The following STAC variants were observed in gnomAD, a reference collection of about 807,000 sequenced individuals.
The protein encoded by STAC is SH3 and cysteine-rich domain-containing protein.
Under a neutral mutation model 48.8 loss-of-function variants are expected in STAC, and 43 were observed. The observed-to-expected ratio is 0.88, with a 90% CI of 0.69 to 1.14. STAC has a LOEUF of 1.14. STAC is among the 50% of genes most tolerant of loss of function. STAC has a pLI of 0.00. For missense variants in STAC, 497 were observed against 504.0 expected (o/e 0.99, Z 0.13); for synonymous variants, 193 against 179.5 (o/e 1.07, Z -0.60).
intron 1 of STAC, among the ~76,000 whole-genome samples, chr3:36,440,164 G>T (rs1468942805): frequency 6.6e-6 from 1 of 152,170 alleles, no homozygotes; most frequent in Non-Finnish European, 1.5e-5. Flanking sequence ...TCCCTGAAGT[G>T]GACAGCTGGC....
intron 2 of STAC, among the ~76,000 whole-genome samples, chr3:36,479,086 T>C (rs182740954): frequency 6.6e-6 from 1 of 152,208 alleles, no homozygotes; most frequent in Admixed American, 6.5e-5. Flanking sequence ...GATCTGATAT[T>C]TTCCTCTGTC....
intron 8 of STAC, among the ~76,000 whole-genome samples, chr3:36,507,165 C>T (rs1325750683): frequency 6.6e-6 from 1 of 152,142 alleles, no homozygotes; most frequent in Non-Finnish European, 1.5e-5. Flanking sequence ...TTTTCTGCAT[C>T]TATTGAGACA....
rs751057328 is a variant in STAC at position 36,443,450 on chromosome 3, C to T, written c.198C>T (p.Ser66=). 8.7e-6 allele frequency: 14 copies of T among 1,614,074 alleles called. No homozygotes were observed. The East Asian group carries it at 1.8e-4, about 21-fold the overall frequency. The change falls in exon 2 of 11, where the codon AGC becomes AGT. Residue 66 remains serine, a synonymous_variant. Transcript: ENST00000273183. This position sits in a 1 kb window ranked among gnomAD's most constrained non-coding sequence, Gnocchi z 4.2. ...SADNFFQRTN[S]EDMKLQAHMV... ...ACAACTTCTTCCAGCGAACCAACAG[C>T]GAAGACATGAAACTGCAAGCACACA... is the stretch of plus-strand genomic sequence containing the variant.
chr3:36,416,755 T>G (rs1171195086), intron 1 of STAC, among the ~76,000 whole-genome samples: 1 of 152,224 alleles, frequency 6.6e-6, no homozygotes, highest in Non-Finnish European at 1.5e-5. Flanking sequence ...TATTTTTTCC[T>G]GAGGGCTATA....
chr3:36,449,979 T>G (rs930303800), intron 2 of STAC, among the ~76,000 whole-genome samples: 1 of 152,234 alleles, frequency 6.6e-6, no homozygotes, highest in African/African-American at 2.4e-5. Flanking sequence ...ATTTGGCTCT[T>G]CCTACTGGAA....
intron 8 of STAC, among the ~76,000 whole-genome samples, chr3:36,519,924 AC>A (rs1407508268): frequency 6.6e-6 from 1 of 152,218 alleles, no homozygotes; most frequent in Non-Finnish European, 1.5e-5. Context: ...ACTATATTCC[AC>A]CAGGCAAAGT....
chr3:36,456,895 TC>T (rs1286515889), intron 2 of STAC, among the ~76,000 whole-genome samples: 2 of 152,184 alleles, frequency 1.3e-5, no homozygotes, highest in African/African-American at 4.8e-5. Flanking sequence ...TTCAAGAACT[TC>T]CTAAATTATG....
At chr3:36,384,727 A>G (rs186746547) in intron 1 of STAC, among the ~76,000 whole-genome samples, 167 of 152,254 alleles carry the variant, frequency 1.1e-3, no homozygotes, top group African/African-American at 3.8e-3. Context: ...TTAGATTTTG[A>G]AATGGTGCTA....
intron 1 of STAC, among the ~76,000 whole-genome samples, chr3:36,422,558 ATTT>A (rs1700473807): frequency 6.6e-6 from 1 of 152,122 alleles, no homozygotes; most frequent in Non-Finnish European, 1.5e-5. Context: ...CAAAATGACA[ATTT>A]TTTAATAAAT....
At chr3:36,380,952 C>T (rs548375319) in intron 1 of STAC, among the ~76,000 whole-genome samples, 198 bp downstream of exon 1, 4 of 152,306 alleles carry the variant, frequency 2.6e-5, no homozygotes, top group African/African-American at 9.6e-5. Flanking sequence ...AGCCTTCCCG[C>T]CCACACATTC....
chr3:36,398,328 A>AAGAAAGCAAGAAAGC (rs1559476882), intron 1 of STAC, among the ~76,000 whole-genome samples: 3 of 115,590 alleles, frequency 2.6e-5, no homozygotes, highest in Non-Finnish European at 4.0e-5. Flanking sequence ...AGCAAGAAAG[A>AAGAAAGCAAGAAAGC]AAGAAAGAAA....
intron 10 of STAC, among the ~76,000 whole-genome samples, chr3:36,536,212 T>C (rs537193686): frequency 6.2e-4 from 95 of 152,008 alleles, no homozygotes; most frequent in African/African-American, 2.1e-3. Flanking sequence ...TGTATGGCCA[T>C]TGACATTCTT....
intron 1 of STAC, among the ~76,000 whole-genome samples, chr3:36,398,351 GAAAGAAAGAAAGAAAGA>G (rs1559476977): frequency 7.5e-6 from 1 of 133,140 alleles, no homozygotes; most frequent in African/African-American, 2.8e-5. Flanking sequence ...AAGAAAGAAA[GAAAGAAAGAAAGAAAGA>G]AAAGAAAGAG....
At chr3:36,398,368 A>AAAGAAAGAAAAGAAAAG (rs1553631494) in intron 1 of STAC, among the ~76,000 whole-genome samples, 1 of 102,880 alleles carries the variant, frequency 9.7e-6, no homozygotes, top group Non-Finnish European at 2.1e-5. Context: ...AGAAAGAAAG[A>AAAGAAAGAAAAGAAAAG]AAAGAAAGAG....
intron 2 of STAC, among the ~76,000 whole-genome samples, chr3:36,462,130 T>C (rs999230041): frequency 2.6e-4 from 40 of 152,172 alleles, no homozygotes; most frequent in African/African-American, 8.7e-4. Flanking sequence ...CAGGATTGAT[T>C]TTCTACATGT....
chr3:36,465,742 G>A (rs1045801999), intron 2 of STAC, among the ~76,000 whole-genome samples: 3 of 152,128 alleles, frequency 2.0e-5, no homozygotes, highest in Admixed American at 6.6e-5. Context: ...CTTGGAGACC[G>A]ATGTTTGAGG....
chr3:36,386,382 T>A (rs1388530933), intron 1 of STAC, among the ~76,000 whole-genome samples: 1 of 150,720 alleles, frequency 6.6e-6, no homozygotes, highest in Non-Finnish European at 1.5e-5. Context: ...AGAAAAAATG[T>A]ATTGCAGATA....
At chr3:36,469,195 T>C (rs1697259118) in intron 2 of STAC, among the ~76,000 whole-genome samples, 1 of 152,136 alleles carries the variant, frequency 6.6e-6, no homozygotes, top group African/African-American at 2.4e-5. Context: ...GTGAGATTTA[T>C]GATGTAAGGA....
intron 1 of STAC, among the ~76,000 whole-genome samples, chr3:36,399,975 G>A (rs1010305725): frequency 6.6e-6 from 1 of 152,184 alleles, no homozygotes; most frequent in African/African-American, 2.4e-5. Context: ...ATTAATAAAT[G>A]GAAAGAAAGG....
Sources: gnomAD v4.1 joint callset for allele counts (sites outside exome capture counted in the v4.1 genomes callset) on GRCh38, gnomAD v4.1.1 for gene constraint, Gnocchi (gnomAD v3.1) non-coding constraint, MANE v1.5 for transcripts, NCBI Gene and HGNC (gene_info 2026-07-23, HGNC 2026-07-21) for gene names.